ABLIM2: variants seen among roughly 807,000 people sequenced by gnomAD.
ABLIM2 encodes the protein actin-binding LIM protein 2.
In ABLIM2, 53 loss-of-function variants were observed where a neutral mutation model predicts 97.7. The observed-to-expected ratio is 0.54, with a 90% CI of 0.44 to 0.68. The LOEUF (loss-of-function observed/expected upper bound fraction) is 0.68, where lower values mean the gene tolerates loss of function less well. Among genes scored for constraint, ABLIM2 ranks in the 30% least tolerant of loss-of-function variants. The pLI is 0.00. For synonymous variants in ABLIM2, 361 were observed against 345.8 expected (o/e 1.04, Z -0.49); for missense variants, 835 against 867.2 (o/e 0.96, Z 0.47).
chr4:8,008,299 C>T (rs1025100947), intron 15 of ABLIM2, 99 bp from the exon 16 acceptor site: 36 of 1,170,936 alleles, frequency 3.1e-5, no homozygotes, highest in South Asian at 1.8e-4. Context: ...TTCTAACATA[C>T]GAGCTGACCC....
chr4:8,077,829 A>C (rs1817250539), intron 5 of ABLIM2, 108 bp from the exon 6 acceptor site: 3 of 887,126 alleles, frequency 3.4e-6, no homozygotes, highest in Non-Finnish European at 5.3e-6. Context: ...GGGAATGCCC[A>C]CCTCCTCCTG....
chr4:8,098,845 C>T (rs1170719473), intron 2 of ABLIM2, among the ~76,000 whole-genome samples: 1 of 152,210 alleles, frequency 6.6e-6, no homozygotes, highest in African/African-American at 2.4e-5. Flanking sequence ...GAGGCCCTGG[C>T]TGCTGCTCTA....
At chr4:8,152,640 G>C (rs1001003860) in intron 1 of ABLIM2, among the ~76,000 whole-genome samples, 1 of 152,220 alleles carries the variant, frequency 6.6e-6, no homozygotes, top group African/African-American at 2.4e-5. Context: ...CTGCTCTTTC[G>C]GGGCTTCCCC....
intron 1 of ABLIM2, among the ~76,000 whole-genome samples, chr4:8,121,397 G>A (rs543770207): frequency 5.9e-5 from 9 of 152,306 alleles, no homozygotes; most frequent in East Asian, 1.9e-4. Flanking sequence ...AGGCGCCCCC[G>A]GCACCCACAT....
chr4:8,050,751 G>A (rs922695003), intron 8 of ABLIM2, among the ~76,000 whole-genome samples: 7 of 152,170 alleles, frequency 4.6e-5, no homozygotes, highest in African/African-American at 1.7e-4. Context: ...CGGACAGTTA[G>A]CTCCAAGGGG....
At chr4:8,145,776 ACACACACACACACG>A (rs1370177431) in intron 1 of ABLIM2, among the ~76,000 whole-genome samples, 5 of 148,626 alleles carry the variant, frequency 3.4e-5, no homozygotes, top group African/African-American at 1.0e-4. Flanking sequence ...ACACACACAC[ACACACACACACACG>A]AGATCCCTGT....
intron 6 of ABLIM2, among the ~76,000 whole-genome samples, chr4:8,064,409 C>G (rs946667203): frequency 1.3e-5 from 2 of 152,184 alleles, no homozygotes; most frequent in Non-Finnish European, 2.9e-5. Context: ...ACGGGTGGCT[C>G]TGAAGACAGG....
chr4:8,007,792 T>G, intron 16 of ABLIM2: 1 of 1,261,458 alleles, frequency 7.9e-7, no homozygotes, highest in Middle Eastern at 3.1e-4. Context: ...TCTGGGTTTC[T>G]GCATTCTTGC....
rs1402466207 is a variant in ABLIM2 at position 8,058,620 on chromosome 4, C to T, written c.763+2347G>A. On this transcript the variant is annotated intron_variant, in intron 7 of 20. Transcript: ENST00000447017. The surrounding 1 kb of genome is among the most constrained non-coding windows in gnomAD (Gnocchi z 4.2). ...TCCAATCCATCATCAAGTCTGGGGG[C>T]TGCACTCCAGCACATGGCCCCTGTC... Among the ~76,000 whole-genome samples, 2 of 152,172 alleles carry T rather than the reference C, an allele frequency of 1.3e-5. No homozygotes were observed. Among genetic ancestry groups the T allele is most frequent in the Non-Finnish European group, 2.9e-5 (2 of 68,024 alleles).
At chr4:7,983,203 G>A in intron 20 of ABLIM2, 61 bp downstream of exon 20, 1 of 1,522,556 alleles carries the variant, frequency 6.6e-7, no homozygotes, top group East Asian at 2.4e-5. Flanking sequence ...CCACGGAGGA[G>A]GCATCTGCGG....
chr4:8,031,256 C>G (rs918574835), intron 10 of ABLIM2, among the ~76,000 whole-genome samples: 1 of 152,170 alleles, frequency 6.6e-6, no homozygotes, highest in African/African-American at 2.4e-5. Context: ...GATTTTGTGC[C>G]CCACTCTGGG....
In ABLIM2 at chr4:8,061,425, G is replaced by T. The variant is rs56736191; in HGVS notation, c.676-371C>A. Among the ~76,000 whole-genome samples, 1,381 of 152,304 alleles carry T rather than the reference G, an allele frequency of 9.1e-3. 19 individuals carry two copies. Among genetic ancestry groups the T allele is most frequent in the African/African-American group, 0.032 (1,311 of 41,566 alleles). ...AGGGACAGGAGGAGGAAGAAAAGGG[G>T]AGAGGGAGGGGAGGGAAAGATAATA... On this transcript the variant is annotated intron_variant, in intron 6 of 20. Transcript: ENST00000447017. This position sits in a 1 kb window ranked among gnomAD's most constrained non-coding sequence, Gnocchi z 4.5.
At chr4:8,097,375 AC>A in intron 2 of ABLIM2, 93 bp from the exon 3 acceptor site, 1 of 1,412,928 alleles carries the variant, frequency 7.1e-7, no homozygotes. Flanking sequence ...CACACACACC[AC>A]CACCTGACAC....
intron 10 of ABLIM2, 51 bp from the exon 11 acceptor site, chr4:8,029,827 C>G: frequency 6.5e-7 from 1 of 1,539,340 alleles, no homozygotes; most frequent in African/African-American, 1.4e-5. Context: ...GCACTTCCCA[C>G]CCCTTGTCCA....
At chr4:8,040,620 AAAAAG>A (rs142586797) in intron 9 of ABLIM2, among the ~76,000 whole-genome samples, 29,429 of 150,018 alleles carry the variant, frequency 0.2, 3,114 homozygotes, top group East Asian at 0.31. Context: ...CAAAAAAAAA[AAAAAG>A]AAAAGAAAAG....
chr4:8,090,420 G>A (rs779868279), intron 3 of ABLIM2, among the ~76,000 whole-genome samples: 64 of 152,334 alleles, frequency 4.2e-4, no homozygotes, highest in Middle Eastern at 6.8e-3. Context: ...AGGACATCCT[G>A]CCTAGGAAGC....
At chr4:8,143,430 C>T (rs1208015008) in intron 1 of ABLIM2, among the ~76,000 whole-genome samples, 2 of 152,108 alleles carry the variant, frequency 1.3e-5, no homozygotes, top group African/African-American at 4.8e-5. Flanking sequence ...CTGCACCCTG[C>T]ACCCTACCCA....
chr4:7,966,669 C>G lies in ABLIM2; in HGVS notation c.*321G>C. ...GTGCCCAGCACCGGGGCCAGGGCAC[C>G]TCGAGAACGCTGGGAAGGTGGGCTG... On this transcript the variant is annotated 3_prime_UTR_variant, in exon 21 of 21. Transcript: ENST00000447017. 1 of 302,550 alleles carries G rather than the reference C, an allele frequency of 3.3e-6. No individual in the cohort carries two copies. 18.7% of individuals were successfully genotyped at this position (302,550 alleles called of 1,614,324 possible). A position where few individuals can be genotyped will look rare whatever the true frequency, so the allele number is the denominator to read the frequency against.
At position 8,125,188 on chromosome 4, in the gene ABLIM2, G is replaced by A. The variant is rs1356552797; in HGVS notation, c.11-18551C>T. ...TGAGTTGTGTTTTCACTTTCCTCAC[G>A]ATGTCTTTGGCATCACAGAGGTTTT... is the stretch of plus-strand genomic sequence containing the variant. On this transcript the variant is annotated intron_variant, in intron 1 of 20. Coordinates refer to ENST00000447017, the MANE Select transcript of ABLIM2 (RefSeq NM_001130083.2). This position sits in a 1 kb window ranked among gnomAD's most constrained non-coding sequence, Gnocchi z 6.2. 6.6e-6 allele frequency among the ~76,000 whole-genome samples: 1 copy of A among 152,110 alleles called. No homozygotes were observed. Among genetic ancestry groups the A allele is most frequent in the Non-Finnish European group, 1.5e-5 (1 of 68,016 alleles).
Sources: gnomAD v4.1 joint callset for allele counts (sites outside exome capture counted in the v4.1 genomes callset) on GRCh38, gnomAD v4.1.1 for gene constraint, Gnocchi (gnomAD v3.1) non-coding constraint, MANE v1.5 for transcripts, NCBI Gene and HGNC (gene_info 2026-07-23, HGNC 2026-07-21) for gene names.